DMBX1: variants seen among roughly 807,000 people sequenced by gnomAD.
DMBX1 encodes diencephalon/mesencephalon homeobox 1, also known as diencephalon/mesencephalon homeobox protein 1.
Under a neutral mutation model 30.4 loss-of-function variants are expected in DMBX1, and 7 were observed. That is an observed-to-expected ratio of 0.23 (90% CI 0.13 to 0.43). The LOEUF (loss-of-function observed/expected upper bound fraction) is 0.43, where lower values mean the gene tolerates loss of function less well. Among genes scored for constraint, DMBX1 ranks in the 20% least tolerant of loss-of-function variants. The pLI is 1.00. For synonymous variants in DMBX1, 222 were observed against 214.2 expected, an observed-to-expected ratio of 1.04 and a Z score of -0.32; for missense variants, 460 against 508.5, an observed-to-expected ratio of 0.90 and a Z score of 0.92.
At position 46,512,639 on chromosome 1, in the gene DMBX1, C is replaced by G; in HGVS notation, c.*145C>G. 2.2e-6 allele frequency: 2 copies of G among 914,050 alleles called. No homozygotes were observed. The highest frequency in any genetic ancestry group is 1.7e-5 in the African/African-American group (1 of 59,648). 56.6% of individuals were successfully genotyped at this position (914,050 alleles called of 1,614,324 possible). On this transcript the variant is annotated 3_prime_UTR_variant, in exon 6 of 6. Coordinates refer to ENST00000360032, the MANE Select transcript of DMBX1 (RefSeq NM_172225.2). The surrounding 1 kb of genome is among the most constrained non-coding windows in gnomAD (Gnocchi z 4.8). ...TGTTCCCTGCTCCGCTTCCCCATAC[C>G]CCAGCCCGAGGTGAAGCCCACACCT... is the stretch of plus-strand genomic sequence containing the variant.
At chr1:46,498,425 A>T (rs1470674210) in intron 2 of DMBX1, among the ~76,000 whole-genome samples, 2 of 152,212 alleles carry the variant, frequency 1.3e-5, no homozygotes, top group Non-Finnish European at 2.9e-5. Context: ...AAAATGGCTA[A>T]GACAAATTAT....
chr1:46,494,428 CG>C (rs1202292307), intron 2 of DMBX1, among the ~76,000 whole-genome samples: 1 of 152,178 alleles, frequency 6.6e-6, no homozygotes, highest in Admixed American at 6.5e-5. Flanking sequence ...CATTAGCCTG[CG>C]GGGGGCTAAT....
intron 3 of DMBX1, among the ~76,000 whole-genome samples, chr1:46,507,942 C>T (rs1196433139): frequency 6.6e-6 from 1 of 152,074 alleles, no homozygotes; most frequent in Non-Finnish European, 1.5e-5. Flanking sequence ...GTCATTATTA[C>T]CCAAAGCCCA....
chr1:46,505,810 G>A lies in DMBX1; in HGVS notation c.-12-1189G>A, dbSNP rs115473181. ...TAAAAAAAAAAAAAAGAAAGAATAA[G>A]CCTGCAGGAATGTGGAGTGGGGCAG... On this transcript the variant is annotated intron_variant, in intron 2 of 5. Coordinates refer to ENST00000360032, the MANE Select transcript of DMBX1 (RefSeq NM_172225.2). Among the ~76,000 whole-genome samples the A allele has an allele frequency of 9.0e-3, 1,345 of 150,196 alleles. 20 individuals carry two copies. Among genetic ancestry groups the A allele is most frequent in the African/African-American group, 0.031 (1,252 of 40,794 alleles).
In DMBX1 at chr1:46,493,393, C is replaced by T. The variant is rs528920759; in HGVS notation, c.-13+2610C>T. ...TGGGCTCTCCAATGTCCAGCCCTCCCGCCGTTCAGTGGCCTCTCTTTCTAT... is the reference window on the plus strand; with the variant it reads ...TGGGCTCTCCAATGTCCAGCCCTCCTGCCGTTCAGTGGCCTCTCTTTCTAT... On this transcript the variant is annotated intron_variant, in intron 2 of 5. Coordinates refer to ENST00000360032, the MANE Select transcript of DMBX1 (RefSeq NM_172225.2). The surrounding 1 kb of genome is among the most constrained non-coding windows in gnomAD (Gnocchi z 4.1). 5.9e-5 allele frequency among the ~76,000 whole-genome samples: 9 copies of T among 152,332 alleles called. No homozygotes were observed. The highest frequency in any genetic ancestry group is 5.8e-4 in the East Asian group (3 of 5,186).
chr1:46,492,233 C>A (rs1275175776), intron 2 of DMBX1, among the ~76,000 whole-genome samples: 1 of 152,232 alleles, frequency 6.6e-6, no homozygotes. Flanking sequence ...GTCAGCTTCA[C>A]GGGCATCGGG....
At chr1:46,507,287 G>A (rs1666259053) in intron 3 of DMBX1, 123 bp downstream of exon 3, 2 of 1,262,316 alleles carry the variant, frequency 1.6e-6, no homozygotes, top group Non-Finnish European at 2.2e-6. Context: ...AAAAGACTCA[G>A]GTCACTTAGC....
At chr1:46,511,772 A>G (rs1337394015) in intron 5 of DMBX1, among the ~76,000 whole-genome samples, 3 of 149,034 alleles carry the variant, frequency 2.0e-5, no homozygotes, top group Admixed American at 2.0e-4. Flanking sequence ...AGGGTGGGGG[A>G]GGGGGAAGTT....
chr1:46,494,881 A>AG (rs1666000178), intron 2 of DMBX1, among the ~76,000 whole-genome samples: 1 of 152,160 alleles, frequency 6.6e-6, no homozygotes, highest in South Asian at 2.1e-4. Flanking sequence ...CAGGCAATGC[A>AG]GGGTTAACGG....
In DMBX1 at chr1:46,513,712, C is replaced by G. The variant is rs1181118564; in HGVS notation, c.*1218C>G. On this transcript the variant is annotated 3_prime_UTR_variant, in exon 6 of 6. Coordinates refer to ENST00000360032, the MANE Select transcript of DMBX1 (RefSeq NM_172225.2). Reference sequence around the variant, plus strand: ...GCCTCCACGTTCAGCAGATACTGTCCAAGGCAGGGGTACGGCTGACCAGGA... The same window carrying G: ...GCCTCCACGTTCAGCAGATACTGTCGAAGGCAGGGGTACGGCTGACCAGGA... 6.6e-6 allele frequency: 1 copy of G among 152,304 alleles called. No individual in the cohort carries two copies. The highest frequency in any genetic ancestry group is 2.4e-5 in the African/African-American group (1 of 41,460). 9.4% of individuals were successfully genotyped at this position (152,304 alleles called of 1,614,324 possible).
intron 3 of DMBX1, 138 bp downstream of exon 3, chr1:46,507,302 C>T: frequency 1.8e-6 from 2 of 1,131,872 alleles, no homozygotes; most frequent in East Asian, 2.6e-5. Context: ...CTTAGCAACA[C>T]AGAGAGATGT....
At chr1:46,490,452 G>T (rs1665908163) in intron 1 of DMBX1, among the ~76,000 whole-genome samples, 192 bp from the exon 2 acceptor site, 1 of 151,760 alleles carries the variant, frequency 6.6e-6, no homozygotes, top group Non-Finnish European at 1.5e-5. Flanking sequence ...GGTGGCCGGC[G>T]TAATGCGGAC....
rs758546090 is a variant in DMBX1, at chr1:46,507,203, T to TG, written c.154+44dup. 1.9e-6 allele frequency: 3 copies of TG among 1,605,616 alleles called. No homozygotes were observed. The South Asian group carries it at 3.3e-5, about 18-fold the overall frequency. Reference sequence around the variant, plus strand: ...GGATGGGACCATGGGGACAGGACTGTGGGGGTTGGGGGAGAAGGCTCTGGA... The same window carrying TG: ...GGATGGGACCATGGGGACAGGACTGTGGGGGGTTGGGGGAGAAGGCTCTGGA... On this transcript the variant is annotated intron_variant, in intron 3 of 5. Coordinates refer to ENST00000360032, the MANE Select transcript of DMBX1 (RefSeq NM_172225.2).
chr1:46,499,953 A>G lies in DMBX1; in HGVS notation c.-12-7046A>G, dbSNP rs1405453082. Among the ~76,000 whole-genome samples, 6 of 152,296 alleles carry G rather than the reference A, an allele frequency of 3.9e-5. No homozygotes were observed. The East Asian group carries it at 1.2e-3, about 29-fold the overall frequency. The stretch of plus-strand genomic sequence containing the variant: ...ATCCTCATTTCTATGATCTGAGAAT[A>G]CTTATCACAGCCTGGAGTGGAGAGA... On this transcript the variant is annotated intron_variant, in intron 2 of 5. Coordinates refer to ENST00000360032, the MANE Select transcript of DMBX1 (RefSeq NM_172225.2).
At chr1:46,506,113 A>G (rs1472080565) in intron 2 of DMBX1, among the ~76,000 whole-genome samples, 2 of 151,946 alleles carry the variant, frequency 1.3e-5, no homozygotes, top group East Asian at 3.8e-4. Context: ...GCTGGAGTGC[A>G]GTGGTGCAAT....
At chr1:46,507,207 G>A in intron 3 of DMBX1, 43 bp downstream of exon 3, 1 of 1,605,154 alleles carries the variant, frequency 6.2e-7, no homozygotes, top group Non-Finnish European at 8.5e-7. Context: ...GGACTGTGGG[G>A]GTTGGGGGAG....
rs1557786179 is a variant in DMBX1 at position 46,501,275 on chromosome 1, C to CTTTCTTTCT, written c.-12-5721_-12-5713dup. Among the ~76,000 whole-genome samples, 13 of 126,736 alleles carry CTTTCTTTCT rather than the reference C, an allele frequency of 1.0e-4. 1 individual carries two copies. The highest frequency in any genetic ancestry group is 3.7e-4 in the African/African-American group (12 of 32,306). 83.1% of individuals were successfully genotyped at this position (126,736 alleles called of 152,430 possible). On this transcript the variant is annotated intron_variant, in intron 2 of 5. Transcript: ENST00000360032. ...CTTTCTTTCTTTCTTTCTTTCTCTT[C>CTTTCTTTCT]TTTCTTTCTTTCCTTCTCTCTTTTT...
At chr1:46,502,732 T>A (rs572660796) in intron 2 of DMBX1, among the ~76,000 whole-genome samples, 50 of 151,792 alleles carry the variant, frequency 3.3e-4, no homozygotes, top group African/African-American at 1.2e-3. Flanking sequence ...ACAAAAAAAA[T>A]AAATAAATTA....
In DMBX1 at chr1:46,512,134, C is replaced by G; in HGVS notation, c.774C>G (p.Leu258=). The change falls in exon 6 of 6, where the codon CTC becomes CTG. Residue 258 remains leucine, a synonymous_variant. Transcript: ENST00000360032. The surrounding 1 kb of genome is among the most constrained non-coding windows in gnomAD (Gnocchi z 4.8). ...SHSYSSSPLS[L]FRLQEQFRQH... is the part of the protein sequence containing the mutation. ...CCTATTCCTCGTCCCCGCTGAGCCT[C>G]TTCCGTCTGCAGGAGCAATTCCGCC... 6.2e-7 allele frequency: 1 copy of G among 1,614,076 alleles called. No individual in the cohort carries two copies. The highest frequency in any genetic ancestry group is 8.5e-7 in the Non-Finnish European group (1 of 1,179,980).
Sources: gnomAD v4.1 joint callset for allele counts (sites outside exome capture counted in the v4.1 genomes callset) on GRCh38, gnomAD v4.1.1 for gene constraint, Gnocchi (gnomAD v3.1) non-coding constraint, MANE v1.5 for transcripts, NCBI Gene and HGNC (gene_info 2026-07-23, HGNC 2026-07-21) for gene names.